MGRN1: variants seen among roughly 807,000 people sequenced by gnomAD.
The protein encoded by MGRN1 is mahogunin ring finger 1.
A neutral mutation model predicts 69.2 loss-of-function variants in MGRN1; 29 were observed. The observed-to-expected ratio is 0.42, with a 90% CI of 0.31 to 0.57. The LOEUF is 0.57. MGRN1 is among the 20% of genes least tolerant of loss of function. MGRN1 has a pLI of 0.15. For synonymous variants in MGRN1, 470 were observed against 344.2 expected, an observed-to-expected ratio of 1.37 and a Z score of -4.04; for missense variants, 998 against 796.2, an observed-to-expected ratio of 1.25 and a Z score of -3.05.
At chr16:4,673,399 A>G in intron 9 of MGRN1, 99 bp from the exon 10 acceptor site, 1 of 1,472,284 alleles carries the variant, frequency 6.8e-7, no homozygotes. Flanking sequence ...GACAGCCCCC[A>G]GGGTAGGGTG....
At chr16:4,651,744 G>A (rs1471336506) in intron 2 of MGRN1, among the ~76,000 whole-genome samples, 3 of 152,138 alleles carry the variant, frequency 2.0e-5, no homozygotes, top group Admixed American at 6.5e-5. Context: ...CTGCCTGGCT[G>A]GATTTGCTCA....
chr16:4,683,892 G>T lies in MGRN1; in HGVS notation c.1578G>T (p.Glu526Asp). 6.2e-7 allele frequency: 1 copy of T among 1,612,212 alleles called. No homozygotes were observed. The highest frequency in any genetic ancestry group is 8.5e-7 in the Non-Finnish European group (1 of 1,179,402). ...ATGTCCTGCAGGACAGCAGCCCCGA[G>T]CACTGTGGCCGAGGCCCACCTGCTG... is the stretch of plus-strand genomic sequence containing the variant. ...IENVLQDSSP[E>D]HCGRGPPADI... Residue 526 changes from glutamate to aspartate, a missense_variant, in exon 16 of 17, where the codon GAG becomes GAT. Coordinates refer to ENST00000262370, the MANE Select transcript of MGRN1 (RefSeq NM_015246.4).
At chr16:4,657,953 A>G (rs2078589073) in intron 5 of MGRN1, among the ~76,000 whole-genome samples, 1 of 151,230 alleles carries the variant, frequency 6.6e-6, no homozygotes, top group Non-Finnish European at 1.5e-5. Context: ...CGTGTTAGCC[A>G]GGATGGTCTT....
chr16:4,660,453 C>G (rs2078651328), intron 5 of MGRN1, among the ~76,000 whole-genome samples: 1 of 152,196 alleles, frequency 6.6e-6, no homozygotes, highest in African/African-American at 2.4e-5. Context: ...ACCAGTAAAG[C>G]ACTGTCAGCA....
At chr16:4,660,315 C>G (rs1033852249) in intron 5 of MGRN1, among the ~76,000 whole-genome samples, 7 of 152,224 alleles carry the variant, frequency 4.6e-5, no homozygotes, top group Non-Finnish European at 1.0e-4. Flanking sequence ...ACGAGGGGTC[C>G]GTGATCAGCA....
chr16:4,684,376 C>T (rs887703296), intron 16 of MGRN1, among the ~76,000 whole-genome samples: 3 of 152,238 alleles, frequency 2.0e-5, no homozygotes, highest in African/African-American at 7.2e-5. Flanking sequence ...GCGCTCCTGG[C>T]AGTGCCTGAG....
intron 1 of MGRN1, among the ~76,000 whole-genome samples, chr16:4,640,805 G>T (rs973627423): frequency 1.3e-5 from 2 of 152,238 alleles, no homozygotes; most frequent in Non-Finnish European, 2.9e-5. Context: ...TGGTCCCCCG[G>T]CTGCAGGAGG....
At chr16:4,634,495 C>T (rs1240661663) in intron 1 of MGRN1, 1 of 152,518 alleles carries the variant, frequency 6.6e-6, no homozygotes, top group African/African-American at 2.4e-5. Context: ...GTCATCTTGT[C>T]CAGTGGACGA....
At chr16:4,657,492 C>G (rs2078573787) in intron 5 of MGRN1, 129 bp downstream of exon 5, 1 of 884,098 alleles carries the variant, frequency 1.1e-6, no homozygotes, top group Non-Finnish European at 1.8e-6. Flanking sequence ...GAACGGCCGC[C>G]CCAGTCTGTG....
At chr16:4,640,072 G>C (rs923809258) in intron 1 of MGRN1, 3 of 152,400 alleles carry the variant, frequency 2.0e-5, no homozygotes, top group African/African-American at 7.2e-5. Flanking sequence ...CCCTTCCAAG[G>C]TTGGCTTGTT....
chr16:4,686,006 C>T (rs1335138348), intron 16 of MGRN1, among the ~76,000 whole-genome samples: 13 of 152,186 alleles, frequency 8.5e-5, no homozygotes, highest in Admixed American at 5.9e-4. Context: ...GTCCTTCATG[C>T]GCCCTTCCCT....
Sources: gnomAD v4.1 joint callset for allele counts (sites outside exome capture counted in the v4.1 genomes callset) on GRCh38, gnomAD v4.1.1 for gene constraint, MANE v1.5 for transcripts, NCBI Gene and HGNC (gene_info 2026-07-23, HGNC 2026-07-21) for gene names.